MINAR1: variants seen among roughly 807,000 people sequenced by gnomAD.
MINAR1 encodes the protein major intrinsically disordered Notch2-binding receptor 1.
In MINAR1, 40 loss-of-function variants were observed where a neutral mutation model predicts 65.1. The ratio of observed to expected loss-of-function variants is 0.61; its 90% confidence interval spans 0.48 to 0.80. MINAR1 has a LOEUF of 0.80. Ranked by LOEUF, MINAR1 falls within the 30% of genes least tolerant of loss-of-function variation. The pLI is 0.00. For synonymous variants in MINAR1, 482 were observed against 449.1 expected, an observed-to-expected ratio of 1.07 and a Z score of -0.93; for missense variants, 1,128 against 1,148.0, an observed-to-expected ratio of 0.98 and a Z score of 0.25.
chr15:79,450,477 T>G (rs1218989158), intron 1 of MINAR1, among the ~76,000 whole-genome samples: 1 of 151,996 alleles, frequency 6.6e-6, no homozygotes, highest in Non-Finnish European at 1.5e-5. Context: ...AGTGAGCAAT[T>G]TCAACCTCTG....
intron 2 of MINAR1, among the ~76,000 whole-genome samples, chr15:79,462,771 C>A (rs536851296): frequency 9.8e-5 from 15 of 152,342 alleles, no homozygotes; most frequent in African/African-American, 3.4e-4. Flanking sequence ...TGAGTCTGGG[C>A]TCCATTTTCC....
chr15:79,411,679 A>G, the MINAR1 span: 1 of 561,496 alleles, frequency 1.8e-6, no homozygotes, highest in Admixed American at 3.0e-5. Flanking sequence ...CTCTCACCAC[A>G]GGCCTCTGGA....
At chr15:79,433,345 GGCTGGTAGCCTGTGTTAAGCA>G (rs1205615302) in intron 1 of MINAR1, among the ~76,000 whole-genome samples, 2 of 152,234 alleles carry the variant, frequency 1.3e-5, no homozygotes, top group Non-Finnish European at 2.9e-5. Flanking sequence ...TGTGGTAAGC[GGCTGGTAGCCTGTGTTAAGCA>G]GCAGGGAAGA....
In MINAR1 at chr15:79,463,183, C is replaced by A. The variant is rs904876343; in HGVS notation, c.2415C>A (p.His805Gln). ...CCTACCCTGCCTCCCTCAAGGCCCA[C>A]ATGAAGAGCAACCCCCTGTACACAG... The part of the protein sequence containing the change: ...PHPYPASLKA[H>Q]MKSNPLYTDM... The change falls in exon 3 of 4, where the codon CAC (histidine) becomes CAA (glutamine). Residue 805 changes from histidine (H) to glutamine (Q), a missense_variant. By Grantham distance (24) the His-to-Gln change is conservative. Coordinates refer to ENST00000305428, the MANE Select transcript of MINAR1 (RefSeq NM_015206.3). The A allele has an allele frequency of 6.2e-7, 1 of 1,614,114 alleles. No homozygotes were observed. The highest frequency in any genetic ancestry group is 1.3e-5 in the African/African-American group (1 of 74,942).
At chr15:79,425,462 G>T in the MINAR1 span, 2 of 152,232 alleles carry the variant, frequency 1.3e-5, no homozygotes, top group Non-Finnish European at 2.9e-5. Flanking sequence ...TACCAGGACA[G>T]CATGTCTCAT....
chr15:79,431,861 C>T (rs898648261), upstream of MINAR1, among the ~76,000 whole-genome samples: 5 of 152,232 alleles, frequency 3.3e-5, no homozygotes, highest in African/African-American at 1.2e-4. Flanking sequence ...CGAACGGACA[C>T]CGCCTTCCCG....
the MINAR1 span, chr15:79,426,743 C>T: frequency 6.6e-6 from 1 of 152,216 alleles, no homozygotes; most frequent in South Asian, 2.1e-4. Flanking sequence ...AGCTCCTAGA[C>T]AGCATAGAGA....
upstream of MINAR1, among the ~76,000 whole-genome samples, chr15:79,432,300 G>A (rs935583892): frequency 6.6e-6 from 1 of 152,100 alleles, no homozygotes; most frequent in African/African-American, 2.4e-5. Flanking sequence ...GCAGCCAGGT[G>A]GGCGCCGCGC....
chr15:79,431,612 G>C (rs1007032263), upstream of MINAR1, among the ~76,000 whole-genome samples: 2 of 152,226 alleles, frequency 1.3e-5, no homozygotes, highest in Non-Finnish European at 2.9e-5. Context: ...ATCAGTGAGT[G>C]AAGTGACCAC....
In MINAR1 at chr15:79,458,041, C is replaced by T; in HGVS notation, c.1894C>T (p.Gln632Ter). Residue 632 changes from glutamine (Q) to a stop codon, truncating the protein, a stop_gained, in exon 2 of 4, where the codon CAG becomes TAG. Transcript: ENST00000305428. LOFTEE classifies it high-confidence loss of function. Reference sequence around the variant, plus strand: ...CTTGGGCAAACTAAATAAATTGGACCAGAAAATGCAACAGCCTGAGAAGGT... The same window carrying T: ...CTTGGGCAAACTAAATAAATTGGACTAGAAAATGCAACAGCCTGAGAAGGT... ...QVLGKLNKLDQKMQQPEKVSV... is the reference protein window; with the variant it reads ...QVLGKLNKLD 1 of 1,614,148 alleles carries T rather than the reference C, an allele frequency of 6.2e-7. No individual in the cohort carries two copies. The highest frequency in any genetic ancestry group is 1.1e-5 in the South Asian group (1 of 91,076).
intron 1 of MINAR1, among the ~76,000 whole-genome samples, chr15:79,439,609 T>G (rs1415841591): frequency 1.3e-5 from 2 of 151,760 alleles, no homozygotes; most frequent in Non-Finnish European, 2.9e-5. Flanking sequence ...TCCCACTGTT[T>G]GTGCCAATGA....
chr15:79,419,058 C>G, the MINAR1 span: 1 of 152,342 alleles, frequency 6.6e-6, no homozygotes, highest in East Asian at 1.9e-4. Flanking sequence ...AGGAACACAT[C>G]GACCCTACTG....
At chr15:79,425,554 A>C in the MINAR1 span, 1 of 152,130 alleles carries the variant, frequency 6.6e-6, no homozygotes, top group East Asian at 1.9e-4. Context: ...TTCCTCCTTT[A>C]TCTCTCATTC....
At chr15:79,453,028 C>A (rs1266914069) in intron 1 of MINAR1, among the ~76,000 whole-genome samples, 2 of 148,946 alleles carry the variant, frequency 1.3e-5, no homozygotes, top group Non-Finnish European at 3.0e-5. Flanking sequence ...GCTCAGCCCC[C>A]AGAGATTCCA....
upstream of MINAR1, among the ~76,000 whole-genome samples, chr15:79,431,538 G>A (rs1401297396): frequency 6.6e-6 from 1 of 152,004 alleles, no homozygotes; most frequent in African/African-American, 2.4e-5. Context: ...AACAGGGAGG[G>A]GTGGTCACGT....
At chr15:79,421,259 G>A in the MINAR1 span, 1 of 152,154 alleles carries the variant, frequency 6.6e-6, no homozygotes, top group Non-Finnish European at 1.5e-5. Context: ...ACCCTGATTT[G>A]TGAATTTCTG....
At chr15:79,425,039 T>G in the MINAR1 span, 2 of 67,790 alleles carry the variant, frequency 3.0e-5, no homozygotes, top group South Asian at 8.0e-4. Flanking sequence ...TTTGTTTGTG[T>G]TTTTTTTTTT....
At chr15:79,445,830 G>A (rs1458226941) in intron 1 of MINAR1, among the ~76,000 whole-genome samples, 10 of 152,204 alleles carry the variant, frequency 6.6e-5, no homozygotes, top group Admixed American at 6.5e-4. Context: ...TTACAGGCGT[G>A]AGCCACCGTG....
intron 3 of MINAR1, among the ~76,000 whole-genome samples, chr15:79,464,650 T>TTTG (rs1895773525): frequency 5.9e-5 from 9 of 152,202 alleles, no homozygotes; most frequent in Admixed American, 5.9e-4. Context: ...TGACATTTCT[T>TTTG]TATCTTGGGC....
Sources: allele counts gnomAD v4.1 joint callset (sites outside exome capture counted in the v4.1 genomes callset), GRCh38; gene constraint gnomAD v4.1.1; transcripts MANE v1.5; gene names NCBI Gene and HGNC (gene_info 2026-07-23, HGNC 2026-07-21).